Variants in SAMD4A observed in about 807,000 individuals in gnomAD.
The protein encoded by SAMD4A is sterile alpha motif domain containing 4A.
SAMD4A carries 33 observed loss-of-function variants against 81.3 expected under a neutral mutation model. The ratio of observed to expected loss-of-function variants is 0.41; its 90% CI spans 0.31 to 0.54. SAMD4A has a LOEUF of 0.54. Ranked by LOEUF, SAMD4A falls within the 20% of genes least tolerant of loss-of-function variation. SAMD4A has a pLI of 0.37. For synonymous variants in SAMD4A, 389 were observed against 382.1 expected (o/e 1.02, Z -0.21); for missense variants, 854 against 951.1 (o/e 0.90, Z 1.34).
chr14:54,717,490 A>T (rs1361847860), intron 3 of SAMD4A, among the ~76,000 whole-genome samples: 1 of 152,014 alleles, frequency 6.6e-6, no homozygotes, highest in Non-Finnish European at 1.5e-5. Context: ...TGATGTTGTT[A>T]TTCATTCTGC....
chr14:54,659,791 A>G (rs1178069871), intron 2 of SAMD4A, among the ~76,000 whole-genome samples: 1 of 152,190 alleles, frequency 6.6e-6, no homozygotes, highest in African/African-American at 2.4e-5. Flanking sequence ...TTGTGCTGCA[A>G]CATTACCTGG....
chr14:54,633,246 C>G (rs1374715761), intron 2 of SAMD4A, among the ~76,000 whole-genome samples: 1 of 152,126 alleles, frequency 6.6e-6, no homozygotes, highest in East Asian at 1.9e-4. Flanking sequence ...ACCGAGCCAG[C>G]CACGTAAGAT....
chr14:54,600,927 A>G (rs1412182158), intron 2 of SAMD4A, among the ~76,000 whole-genome samples: 2 of 152,228 alleles, frequency 1.3e-5, no homozygotes, highest in African/African-American at 4.8e-5. Flanking sequence ...CAGCTCAGCT[A>G]TGCATAGCTA....
At chr14:54,572,566 CAGG>C (rs951360823) in intron 2 of SAMD4A, among the ~76,000 whole-genome samples, 2 of 152,092 alleles carry the variant, frequency 1.3e-5, no homozygotes, top group Non-Finnish European at 2.9e-5. Flanking sequence ...TTGGCATATG[CAGG>C]AGAAGGAAGG....
intron 2 of SAMD4A, among the ~76,000 whole-genome samples, chr14:54,671,996 A>G (rs2035891547): frequency 6.9e-6 from 1 of 145,932 alleles, no homozygotes; most frequent in African/African-American, 2.5e-5. Context: ...ACCCCCATCT[A>G]CTGCTTCCTT....
chr14:54,650,875 G>C (rs1020548423), intron 2 of SAMD4A, among the ~76,000 whole-genome samples: 1 of 152,124 alleles, frequency 6.6e-6, no homozygotes, highest in African/African-American at 2.4e-5. Context: ...TTCTTTACTT[G>C]CTTGACCTTT....
intron 2 of SAMD4A, among the ~76,000 whole-genome samples, chr14:54,597,207 C>G (rs930791301): frequency 1.3e-5 from 2 of 151,590 alleles, no homozygotes; most frequent in African/African-American, 4.9e-5. Context: ...GTTAGGTAGG[C>G]ATGCTTCAGT....
At chr14:54,596,557 C>T (rs1347685201) in intron 2 of SAMD4A, among the ~76,000 whole-genome samples, 1 of 152,172 alleles carries the variant, frequency 6.6e-6, no homozygotes, top group Non-Finnish European at 1.5e-5. Flanking sequence ...TGCACTCTAG[C>T]CTGGGTGATA....
chr14:54,642,073 C>T (rs2035187794), intron 2 of SAMD4A, among the ~76,000 whole-genome samples: 1 of 152,196 alleles, frequency 6.6e-6, no homozygotes, highest in Non-Finnish European at 1.5e-5. Context: ...GCTGGGATTA[C>T]AGGCGTGAGC....
chr14:54,761,836 C>T (rs1434272317), intron 7 of SAMD4A, among the ~76,000 whole-genome samples: 2 of 152,240 alleles, frequency 1.3e-5, no homozygotes, highest in Non-Finnish European at 2.9e-5. Flanking sequence ...TACCCCCTTT[C>T]ACCTGCCCCA....
intron 2 of SAMD4A, among the ~76,000 whole-genome samples, chr14:54,597,487 C>T (rs2033941723): frequency 1.3e-5 from 2 of 151,132 alleles, no homozygotes; most frequent in Admixed American, 1.3e-4. Flanking sequence ...GTTGGTCAGG[C>T]TGGTCTTGAA....
chr14:54,602,797 T>TTAA (rs1555335174), intron 2 of SAMD4A, among the ~76,000 whole-genome samples: 15 of 149,374 alleles, frequency 1.0e-4, no homozygotes, highest in East Asian at 7.8e-4. Context: ...AAAGTATAAT[T>TTAA]AAAAAAAAAA....
At chr14:54,779,547 G>A (rs1234138662) in intron 11 of SAMD4A, among the ~76,000 whole-genome samples, 5 of 152,194 alleles carry the variant, frequency 3.3e-5, no homozygotes, top group Admixed American at 3.3e-4. Context: ...AACCCACCAA[G>A]TTGCGGATCA....
At chr14:54,704,221 C>T (rs944022274) in intron 3 of SAMD4A, among the ~76,000 whole-genome samples, 2 of 152,174 alleles carry the variant, frequency 1.3e-5, no homozygotes, top group African/African-American at 2.4e-5. Flanking sequence ...ACAGTTTACT[C>T]GTCTCTGTAT....
intron 7 of SAMD4A, among the ~76,000 whole-genome samples, chr14:54,763,526 T>C (rs745418932): frequency 3.3e-5 from 5 of 152,184 alleles, no homozygotes. Flanking sequence ...GGTTTTGTTA[T>C]GACAAACAAT....
chr14:54,784,219 G>C (rs762031259), intron 11 of SAMD4A: 11 of 721,934 alleles, frequency 1.5e-5, no homozygotes, highest in Non-Finnish European at 2.5e-5. Context: ...ATCATGCGGG[G>C]CCTTATGGGC....
intron 2 of SAMD4A, among the ~76,000 whole-genome samples, chr14:54,698,224 C>G (rs2036622919): frequency 6.6e-6 from 1 of 152,136 alleles, no homozygotes; most frequent in African/African-American, 2.4e-5. Flanking sequence ...TGCTCACCAA[C>G]TGTGATTATC....
chr14:54,656,098 T>G (rs1219996210), intron 2 of SAMD4A, among the ~76,000 whole-genome samples: 1 of 152,200 alleles, frequency 6.6e-6, no homozygotes, highest in Non-Finnish European at 1.5e-5. Flanking sequence ...GAAGCTAGTT[T>G]TGTGGTGGAC....
intron 2 of SAMD4A, among the ~76,000 whole-genome samples, chr14:54,595,521 T>C (rs1207738611): frequency 1.3e-5 from 2 of 151,550 alleles, no homozygotes; most frequent in Non-Finnish European, 2.9e-5. Context: ...GGCAGACTAA[T>C]GTCCTTACAC....
Sources: allele counts gnomAD v4.1 joint callset (sites outside exome capture counted in the v4.1 genomes callset), GRCh38; gene constraint gnomAD v4.1.1; transcripts MANE v1.5; gene names NCBI Gene and HGNC (gene_info 2026-07-23, HGNC 2026-07-21).